NDST4: variants seen among roughly 807,000 people sequenced by gnomAD.
The protein encoded by NDST4 is N-heparan sulfate sulfotransferase 4.
In NDST4, 63 loss-of-function variants were observed where a neutral mutation model predicts 100.8. That is an observed-to-expected ratio of 0.62 (90% CI 0.51 to 0.77). NDST4 has a LOEUF of 0.77. Ranked by LOEUF, NDST4 falls within the 30% of genes least tolerant of loss-of-function variation. The pLI, the probability that NDST4 is intolerant of heterozygous loss-of-function variation, is 0.00. For synonymous variants in NDST4, 377 were observed against 361.8 expected (o/e 1.04, Z -0.48); for missense variants, 943 against 1,018.4 (o/e 0.93, Z 1.01).
At chr4:114,964,422 TA>T (rs1198874800) in intron 4 of NDST4, among the ~76,000 whole-genome samples, 1 of 152,224 alleles carries the variant, frequency 6.6e-6, no homozygotes, top group African/African-American at 2.4e-5. Flanking sequence ...AAGTGTGTTT[TA>T]GGTCTTTATA....
intron 4 of NDST4, among the ~76,000 whole-genome samples, chr4:114,969,149 T>C (rs1406517594): frequency 1.3e-5 from 2 of 151,764 alleles, no homozygotes; most frequent in Non-Finnish European, 2.9e-5. Flanking sequence ...CCGTCTCTAC[T>C]AAAAATACAA....
chr4:114,927,327 A>G (rs1725407568), intron 6 of NDST4, among the ~76,000 whole-genome samples: 2 of 152,002 alleles, frequency 1.3e-5, no homozygotes, highest in Admixed American at 6.6e-5. Context: ...ATGAACTATT[A>G]GAAGCTCAGT....
At chr4:114,897,118 T>G (rs1180322653) in intron 6 of NDST4, among the ~76,000 whole-genome samples, 1 of 152,118 alleles carries the variant, frequency 6.6e-6, no homozygotes, top group African/African-American at 2.4e-5. Context: ...TACATTAGGT[T>G]TCATTCATGG....
At chr4:115,045,090 T>C (rs1407556822) in intron 2 of NDST4, among the ~76,000 whole-genome samples, 1 of 152,044 alleles carries the variant, frequency 6.6e-6, no homozygotes, top group Non-Finnish European at 1.5e-5. Context: ...ATTCTACTCT[T>C]AGAAGAACTT....
chr4:115,004,526 C>T (rs528093625), intron 2 of NDST4, among the ~76,000 whole-genome samples: 1 of 152,226 alleles, frequency 6.6e-6, no homozygotes, highest in South Asian at 2.1e-4. Context: ...GCTTTCTGAG[C>T]TGCGGCTGAG....
At chr4:114,855,149 G>C (rs550235697) in intron 7 of NDST4, among the ~76,000 whole-genome samples, 2 of 151,596 alleles carry the variant, frequency 1.3e-5, no homozygotes, top group African/African-American at 4.8e-5. Flanking sequence ...TTTTCCTATA[G>C]AGTTGTTTGA....
intron 2 of NDST4, among the ~76,000 whole-genome samples, chr4:115,051,861 A>G (rs1728591028): frequency 6.6e-6 from 1 of 152,130 alleles, no homozygotes; most frequent in South Asian, 2.1e-4. Context: ...GTTTGTACTA[A>G]TTTACATTCT....
chr4:114,888,308 C>A (rs1724522154), intron 6 of NDST4, among the ~76,000 whole-genome samples: 1 of 151,868 alleles, frequency 6.6e-6, no homozygotes, highest in Admixed American at 6.6e-5. Flanking sequence ...TGTAACTAAA[C>A]CTTACTACAA....
In NDST4 at chr4:114,984,961, C is replaced by T. The variant is rs117795623; in HGVS notation, c.979-7687G>A. 2.0e-5 allele frequency among the ~76,000 whole-genome samples: 3 copies of T among 152,278 alleles called. No homozygotes were observed. In the East Asian group the frequency reaches 5.8e-4, roughly 29 times the overall value. ...ATTTCTTTCTGATAAACTGTTACTG[C>T]TACTCAAGGAGGAATTTGCTATAAT... On this transcript the variant is annotated intron_variant, in intron 2 of 13. Coordinates refer to ENST00000264363, the MANE Select transcript of NDST4 (RefSeq NM_022569.3).
chr4:114,854,323 C>G (rs769198203), intron 7 of NDST4, among the ~76,000 whole-genome samples: 21 of 152,296 alleles, frequency 1.4e-4, no homozygotes, highest in Admixed American at 6.5e-4. Flanking sequence ...TTTTTCATGG[C>G]TGAATAGTAC....
chr4:114,923,896 T>C (rs994572743), intron 6 of NDST4, among the ~76,000 whole-genome samples: 2 of 151,692 alleles, frequency 1.3e-5, no homozygotes, highest in East Asian at 1.9e-4. Flanking sequence ...ACTCCTCTAA[T>C]AAAATATTGC....
intron 2 of NDST4, among the ~76,000 whole-genome samples, chr4:114,998,102 A>T (rs1727205421): frequency 6.6e-6 from 1 of 152,068 alleles, no homozygotes; most frequent in African/African-American, 2.4e-5. Flanking sequence ...AGAGGACCTA[A>T]GGATTAATCA....
At chr4:115,063,336 T>C (rs1189600574) in intron 2 of NDST4, among the ~76,000 whole-genome samples, 3 of 151,924 alleles carry the variant, frequency 2.0e-5, no homozygotes, top group African/African-American at 7.2e-5. Flanking sequence ...TAATGATGAG[T>C]TGAATAAAAA....
intron 6 of NDST4, among the ~76,000 whole-genome samples, chr4:114,872,400 C>T (rs1221454374): frequency 1.3e-5 from 2 of 151,938 alleles, no homozygotes; most frequent in East Asian, 1.9e-4. Flanking sequence ...CAGGCATATA[C>T]GTCACTGGCC....
chr4:114,886,381 A>C (rs1724477908), intron 6 of NDST4, among the ~76,000 whole-genome samples: 1 of 152,100 alleles, frequency 6.6e-6, no homozygotes, highest in East Asian at 1.9e-4. Flanking sequence ...CAAAGTATAG[A>C]GGTAATCCTT....
chr4:114,983,323 TG>T (rs1726821767), intron 2 of NDST4, among the ~76,000 whole-genome samples: 1 of 152,176 alleles, frequency 6.6e-6, no homozygotes, highest in Non-Finnish European at 1.5e-5. Context: ...AAAGCAGCCA[TG>T]GGGGCTGTAC....
At chr4:115,100,301 C>T (rs1480156102) in intron 1 of NDST4, among the ~76,000 whole-genome samples, 1 of 151,894 alleles carries the variant, frequency 6.6e-6, no homozygotes, top group Non-Finnish European at 1.5e-5. Context: ...TATAAAACAC[C>T]AAGTGTGTGC....
At chr4:114,848,459 T>TTAAGGAAATCA in intron 8 of NDST4, 121 bp from the exon 9 acceptor site, 3 of 775,736 alleles carry the variant, frequency 3.9e-6, no homozygotes, top group African/African-American at 1.8e-5. Context: ...CAAAGTGATT[T>TTAAGGAAATCA]CCTTAAAATC....
intron 4 of NDST4, among the ~76,000 whole-genome samples, chr4:114,964,304 A>C (rs1031834907): frequency 1.3e-5 from 2 of 152,202 alleles, no homozygotes; most frequent in Non-Finnish European, 2.9e-5. Context: ...CCTTGAAATG[A>C]CTGCCACCTC....
Sources: gnomAD v4.1 joint callset for allele counts (sites outside exome capture counted in the v4.1 genomes callset) on GRCh38, gnomAD v4.1.1 for gene constraint, MANE v1.5 for transcripts, NCBI Gene and HGNC (gene_info 2026-07-23, HGNC 2026-07-21) for gene names.